The following TRIM5 variants were observed in gnomAD, a reference collection of about 807,000 sequenced individuals.
TRIM5 encodes tripartite motif containing 5.
A neutral mutation model predicts 35.6 loss-of-function variants in TRIM5; 31 were observed. The ratio of observed to expected loss-of-function variants is 0.87; its 90% confidence interval spans 0.65 to 1.18. TRIM5 has a LOEUF of 1.18. TRIM5 is among the 50% of genes most tolerant of loss of function. TRIM5 has a pLI of 0.00. For synonymous variants in TRIM5, 243 were observed against 215.6 expected (o/e 1.13, Z -1.11); for missense variants, 609 against 591.6 (o/e 1.03, Z -0.31).
intron 4 of TRIM5, among the ~76,000 whole-genome samples, chr11:5,672,653 T>A (rs1052367717): frequency 6.6e-6 from 1 of 152,192 alleles, no homozygotes; most frequent in Non-Finnish European, 1.5e-5. Flanking sequence ...TAAAAGAATC[T>A]ATAGTTTATT....
At chr11:5,613,949 C>T in the TRIM5 span, among the ~76,000 whole-genome samples, 1 of 152,132 alleles carries the variant, frequency 6.6e-6, no homozygotes, top group Non-Finnish European at 1.5e-5. Context: ...AAGTATTGTC[C>T]AGTGAATGAC....
chr11:5,594,611 CT>C, the TRIM5 span, among the ~76,000 whole-genome samples: 5 of 151,218 alleles, frequency 3.3e-5, no homozygotes, highest in African/African-American at 2.4e-5. Flanking sequence ...AGCCAACATC[CT>C]TTTTTTTTAA....
At chr11:5,602,458 A>G in the TRIM5 span, among the ~76,000 whole-genome samples, 1 of 151,608 alleles carries the variant, frequency 6.6e-6, no homozygotes, top group South Asian at 2.1e-4. Flanking sequence ...GAATATGTGG[A>G]GAGTGATTGT....
the TRIM5 span, chr11:5,634,700 G>A: frequency 6.2e-7 from 1 of 1,614,056 alleles, no homozygotes; most frequent in Non-Finnish European, 8.5e-7. Flanking sequence ...CCTAAATAAT[G>A]AGGAGCAGAG....
At chr11:5,677,151 T>A (rs1431763000) in intron 4 of TRIM5, among the ~76,000 whole-genome samples, 3 of 151,798 alleles carry the variant, frequency 2.0e-5, no homozygotes, top group East Asian at 1.9e-4. Context: ...GAAACTACCA[T>A]CAAAGTGAAC....
chr11:5,664,698 G>A lies in TRIM5; in HGVS notation c.*111C>T. 6.8e-7 allele frequency: 1 copy of A among 1,478,280 alleles called. No homozygotes were observed. The highest frequency in any genetic ancestry group is 1.5e-5 in the South Asian group (1 of 66,252). The allele number at this position is 1,478,280 out of a possible 1,614,324, so 91.6% of individuals were successfully genotyped here. A position where few individuals can be genotyped will look rare whatever the true frequency, so the allele number is the denominator to read the frequency against. On this transcript the variant is annotated 3_prime_UTR_variant, in exon 8 of 8. Transcript: ENST00000380034. ...TGAGTGAAGGACGTTCAAATAGAAA[G>A]AAGGGAGACAGCAAGGAAAAGATGG...
At chr11:5,610,168 A>C in the TRIM5 span, 1 of 1,614,114 alleles carries the variant, frequency 6.2e-7, no homozygotes, top group Non-Finnish European at 8.5e-7. Flanking sequence ...ACCCTGAGGA[A>C]GCCAGAAGCT....
chr11:5,650,992 A>G, the TRIM5 span, among the ~76,000 whole-genome samples: 1 of 152,208 alleles, frequency 6.6e-6, no homozygotes. Context: ...GCCTGTATCA[A>G]CTGCAGAGCA....
At chr11:5,642,719 G>A in the TRIM5 span, 9 of 1,528,922 alleles carry the variant, frequency 5.9e-6, no homozygotes, top group East Asian at 1.1e-4. Flanking sequence ...ACAGCTTCAT[G>A]GTATTCCCTT....
the TRIM5 span, chr11:5,596,515 TCCCCTTCCCCCCTTCCCCCTTCCCCCTTC>T: frequency 4.0e-5 from 1 of 24,840 alleles, no homozygotes; most frequent in African/African-American, 1.5e-4. Flanking sequence ...TCCCCCGTTC[TCCCCTTCCCCCCTTCCCCCTTCCCCCTTC>T]CCCCTTCCCC....
the TRIM5 span, among the ~76,000 whole-genome samples, chr11:5,629,568 T>C: frequency 6.6e-6 from 1 of 152,226 alleles, no homozygotes; most frequent in South Asian, 2.1e-4. Flanking sequence ...TGGTACACCC[T>C]CTGGCTGACC....
intron 3 of TRIM5, among the ~76,000 whole-genome samples, chr11:5,678,818 A>G (rs1852198615): frequency 6.6e-6 from 1 of 152,184 alleles, no homozygotes; most frequent in African/African-American, 2.4e-5. Context: ...ACGGACTCAA[A>G]AAGTAGCACA....
At chr11:5,629,279 A>G in the TRIM5 span, among the ~76,000 whole-genome samples, 1 of 152,162 alleles carries the variant, frequency 6.6e-6, no homozygotes, top group African/African-American at 2.4e-5. Context: ...TCCATCTCAA[A>G]AAAAAACAAA....
chr11:5,599,744 A>G, the TRIM5 span, among the ~76,000 whole-genome samples: 1 of 152,172 alleles, frequency 6.6e-6, no homozygotes, highest in Non-Finnish European at 1.5e-5. Context: ...ATAAGATAGC[A>G]CATTTATTTC....
the TRIM5 span, chr11:5,605,176 A>G: frequency 2.1e-6 from 2 of 954,396 alleles, no homozygotes; most frequent in Non-Finnish European, 1.6e-6. Flanking sequence ...GAAAAGAAGG[A>G]AAGAACAGGC....
the TRIM5 span, among the ~76,000 whole-genome samples, chr11:5,591,287 A>G: frequency 6.6e-6 from 1 of 152,238 alleles, no homozygotes; most frequent in Non-Finnish European, 1.5e-5. Flanking sequence ...CTCTTGACAT[A>G]CAAGCCAATA....
At chr11:5,622,438 A>C in the TRIM5 span, among the ~76,000 whole-genome samples, 2 of 137,676 alleles carry the variant, frequency 1.5e-5, no homozygotes, top group East Asian at 4.7e-4. Flanking sequence ...GAGCGAGACT[A>C]CCTCTCAAAA....
At chr11:5,632,382 C>A in the TRIM5 span, 1 of 1,614,074 alleles carries the variant, frequency 6.2e-7, no homozygotes, top group Non-Finnish European at 8.5e-7. Flanking sequence ...CCTGTCCCAT[C>A]TGCCTGGAGC....
At chr11:5,627,634 A>T in the TRIM5 span, among the ~76,000 whole-genome samples, 1 of 152,180 alleles carries the variant, frequency 6.6e-6, no homozygotes, top group Non-Finnish European at 1.5e-5. Context: ...TTGGGGAGAG[A>T]GTCATTAATG....
Sources: allele counts gnomAD v4.1 joint callset (sites outside exome capture counted in the v4.1 genomes callset), GRCh38; gene constraint gnomAD v4.1.1; transcripts MANE v1.5; gene names NCBI Gene and HGNC (gene_info 2026-07-23, HGNC 2026-07-21).